The following MAMLD1 variants were observed in gnomAD, a reference collection of about 807,000 sequenced individuals.
MAMLD1 encodes mastermind like domain containing 1.
MAMLD1 carries 14 observed loss-of-function variants against 45.0 expected under a neutral mutation model. The ratio of observed to expected loss-of-function variants is 0.31; its 90% CI spans 0.21 to 0.49. MAMLD1 has a LOEUF of 0.49. MAMLD1 is among the 20% of genes least tolerant of loss of function. MAMLD1 has a pLI of 0.99. For missense variants in MAMLD1, 543 were observed against 603.6 expected (o/e 0.90, Z 1.05); for synonymous variants, 254 against 247.8 (o/e 1.02, Z -0.24).
chrX:150,471,301 G>T lies in MAMLD1; in HGVS notation c.1728G>T (p.Pro576=). 3.3e-6 allele frequency: 4 copies of T among 1,210,690 alleles called. No homozygotes were observed. Among genetic ancestry groups the T allele is most frequent in the Non-Finnish European group, 4.5e-6 (4 of 895,316 alleles). ...CCCTGCTCCACTACCTGCAGCAGCC[G>T]ACACCAACGCAGGCCTCCTCAGCCA... ...QPSLLHYLQQ[P]TPTQASSATA... is the part of the protein sequence containing the mutation. Residue 576 remains proline, a synonymous_variant, in exon 4 of 8, where the codon CCG becomes CCT. Coordinates refer to ENST00000370401, the MANE Select transcript of MAMLD1 (RefSeq NM_005491.5).
intron 3 of MAMLD1, among the ~76,000 whole-genome samples, chrX:150,467,374 CAGTT>C (rs2036256786): frequency 9.0e-6 from 1 of 111,673 alleles, no homozygotes. Flanking sequence ...GTGGGCCAAA[CAGTT>C]AGTGAGCTGC....
chrX:150,453,397 C>T (rs2035731254), intron 2 of MAMLD1, among the ~76,000 whole-genome samples: 1 of 111,696 alleles, frequency 9.0e-6, no homozygotes, highest in Admixed American at 9.5e-5. Context: ...TATCACTGGG[C>T]ATTTGGTTCA....
chrX:150,379,377 A>G (rs1015516831), intron 1 of MAMLD1, among the ~76,000 whole-genome samples: 5 of 112,052 alleles, frequency 4.5e-5, no homozygotes, highest in African/African-American at 1.6e-4. Context: ...ATATTTGTTC[A>G]GAATTATTTT....
Position 150,471,193 on chromosome X carries a change from C to A in MAMLD1, c.1620C>A (p.Gly540=), listed in dbSNP as rs782090608. 7.4e-6 allele frequency: 9 copies of A among 1,210,299 alleles called. No individual in the cohort carries two copies. In the African/African-American group the frequency reaches 1.0e-4, roughly 14 times the overall value. Residue 540 remains glycine, a synonymous_variant, in exon 4 of 8, where the codon GGC becomes GGA. Transcript: ENST00000370401. ...SPGATEPFTF[G]NTKPLSHFVS... is the part of the protein sequence containing the mutation. ...GAGCCACGGAGCCATTTACTTTTGG[C>A]AACACCAAGCCCTTGTCCCATTTTG...
At chrX:150,439,818 G>A (rs2035237635) in intron 1 of MAMLD1, among the ~76,000 whole-genome samples, 1 of 110,818 alleles carries the variant, frequency 9.0e-6, no homozygotes, top group Non-Finnish European at 1.9e-5. Context: ...CAGCTACCTG[G>A]GTGCCTGTAA....
At chrX:150,452,329 A>G (rs1400518635) in intron 2 of MAMLD1, among the ~76,000 whole-genome samples, 1 of 112,144 alleles carries the variant, frequency 8.9e-6, no homozygotes, top group African/African-American at 3.3e-5. Context: ...TACCAAGATG[A>G]ATAGGAAACT....
chrX:150,403,587 G>A (rs1486760294), intron 1 of MAMLD1, among the ~76,000 whole-genome samples: 1 of 110,992 alleles, frequency 9.0e-6, no homozygotes, highest in Non-Finnish European at 1.9e-5. Context: ...TTTCAGCTAA[G>A]CAGTGGGCAG....
chrX:150,491,480 A>G (rs1044539331), intron 5 of MAMLD1, among the ~76,000 whole-genome samples: 19 of 112,136 alleles, frequency 1.7e-4, no homozygotes, highest in African/African-American at 5.5e-4. Context: ...CTCCTGTGCC[A>G]GTGTGTGACA....
At chrX:150,404,506 T>C (rs2033950587) in intron 1 of MAMLD1, among the ~76,000 whole-genome samples, 2 of 112,074 alleles carry the variant, frequency 1.8e-5, no homozygotes, top group African/African-American at 6.5e-5. Context: ...AACTGCAAGA[T>C]GAGCTGCTGG....
At chrX:150,409,827 T>C (rs1247797875) in intron 1 of MAMLD1, among the ~76,000 whole-genome samples, 1 of 112,769 alleles carries the variant, frequency 8.9e-6, no homozygotes, top group Admixed American at 9.3e-5. Context: ...ATTGTTCCTG[T>C]CAAAATGTAC....
intron 1 of MAMLD1, among the ~76,000 whole-genome samples, chrX:150,406,045 C>A (rs901742645): frequency 9.0e-6 from 1 of 111,360 alleles, no homozygotes; most frequent in Non-Finnish European, 1.9e-5. Flanking sequence ...AGGTCTTGAA[C>A]GTTTATTCAG....
chrX:150,459,373 T>C (rs1383743627), intron 2 of MAMLD1, among the ~76,000 whole-genome samples: 2 of 111,647 alleles, frequency 1.8e-5, no homozygotes, highest in Non-Finnish European at 3.8e-5. Context: ...CCTCTGCTTG[T>C]AGAGGAAGTT....
At chrX:150,395,291 A>G (rs140010414) in intron 1 of MAMLD1, among the ~76,000 whole-genome samples, 62 of 111,999 alleles carry the variant, frequency 5.5e-4, no homozygotes, top group Non-Finnish European at 9.6e-4. Context: ...CCATTTGGTC[A>G]TAGTATATAA....
chrX:150,400,035 A>G (rs1314870853), intron 1 of MAMLD1, among the ~76,000 whole-genome samples: 1 of 111,683 alleles, frequency 9.0e-6, no homozygotes, highest in Non-Finnish European at 1.9e-5. Context: ...AAGTTGTCAC[A>G]TGCTGTTGTC....
At chrX:150,380,710 G>A (rs2032562081) in intron 1 of MAMLD1, among the ~76,000 whole-genome samples, 1 of 111,017 alleles carries the variant, frequency 9.0e-6, no homozygotes, top group Non-Finnish European at 1.9e-5. Context: ...GTATATGGGA[G>A]GGATCTTACT....
At chrX:150,414,220 G>T (rs1253905585) in intron 1 of MAMLD1, among the ~76,000 whole-genome samples, 1 of 110,735 alleles carries the variant, frequency 9.0e-6, no homozygotes, top group African/African-American at 3.3e-5. Context: ...CCAGCGCAAA[G>T]TGTGTTTAAG....
At chrX:150,500,550 G>A (rs781799061) in intron 5 of MAMLD1, among the ~76,000 whole-genome samples, 47 of 111,357 alleles carry the variant, frequency 4.2e-4, no homozygotes, top group African/African-American at 1.5e-3. Context: ...TCCAGGAAAC[G>A]GGGCACCACT....
At chrX:150,450,391 G>A (rs187713296) in intron 2 of MAMLD1, among the ~76,000 whole-genome samples, 8 of 111,837 alleles carry the variant, frequency 7.2e-5, no homozygotes, top group East Asian at 5.7e-4. Flanking sequence ...GGCTGAAGGC[G>A]CGGCACAGGT....
intron 1 of MAMLD1, among the ~76,000 whole-genome samples, chrX:150,380,914 C>T (rs1318227210): frequency 1.8e-5 from 2 of 109,172 alleles, no homozygotes; most frequent in African/African-American, 3.3e-5. Flanking sequence ...GTTGCTCAGG[C>T]TGGTCTCAAA....
Sources: gnomAD v4.1 joint callset for allele counts (sites outside exome capture counted in the v4.1 genomes callset) on GRCh38, gnomAD v4.1.1 for gene constraint, MANE v1.5 for transcripts, NCBI Gene and HGNC (gene_info 2026-07-23, HGNC 2026-07-21) for gene names.